CHODL: variants seen among roughly 807,000 people sequenced by gnomAD.
The protein encoded by CHODL is transmembrane protein MT75.
In CHODL, 29 loss-of-function variants were observed where a neutral mutation model predicts 34.5. The observed-to-expected ratio is 0.84, with a 90% CI of 0.63 to 1.15. CHODL has a LOEUF of 1.15. CHODL is among the 50% of genes most tolerant of loss of function. CHODL has a pLI of 0.00. For missense variants in CHODL, 332 were observed against 332.5 expected (o/e 1.00, Z 0.01); for synonymous variants, 125 against 116.1 (o/e 1.08, Z -0.49).
At chr21:18,244,067 T>A (rs1003492131), upstream of CHODL, among the ~76,000 whole-genome samples, 1 of 152,236 alleles carries the variant, frequency 6.6e-6, no homozygotes, top group Non-Finnish European at 1.5e-5. Flanking sequence ...TTGGGTAGAC[T>A]GTTTTAATAA....
At chr21:18,177,222 A>T (rs960239686) in intron 2 of CHODL, among the ~76,000 whole-genome samples, 2 of 152,078 alleles carry the variant, frequency 1.3e-5, no homozygotes, top group Admixed American at 1.3e-4. Context: ...AGAATTAAAT[A>T]TATTATGGTA....
chr21:18,189,497 G>T (rs1217576870), intron 2 of CHODL, among the ~76,000 whole-genome samples: 3 of 152,030 alleles, frequency 2.0e-5, no homozygotes, highest in African/African-American at 7.2e-5. Context: ...ATAAGATTGG[G>T]GAGGACATTG....
intron 2 of CHODL, among the ~76,000 whole-genome samples, chr21:18,122,031 G>A (rs553883968): frequency 9.2e-5 from 14 of 152,064 alleles, no homozygotes; most frequent in Non-Finnish European, 2.1e-4. Flanking sequence ...GTTAAGCTAA[G>A]TGAATTATAG....
chr21:18,233,080 CCTGT>C (rs1254008838), intron 2 of CHODL, among the ~76,000 whole-genome samples: 3 of 151,612 alleles, frequency 2.0e-5, no homozygotes, highest in South Asian at 2.1e-4. Context: ...ATTTATTCCT[CCTGT>C]CTAAGTGCAA....
chr21:18,198,163 A>G (rs1191956735), intron 2 of CHODL, among the ~76,000 whole-genome samples: 3 of 152,196 alleles, frequency 2.0e-5, no homozygotes, highest in African/African-American at 4.8e-5. Flanking sequence ...AGATTTTTCA[A>G]TTAGATGCTA....
intron 2 of CHODL, among the ~76,000 whole-genome samples, chr21:18,197,770 A>G (rs2073606601): frequency 6.6e-6 from 1 of 152,240 alleles, no homozygotes; most frequent in East Asian, 1.9e-4. Flanking sequence ...TGGGGTCCCA[A>G]GAAAGCCCAG....
chr21:18,168,012 G>A (rs1170173729), intron 2 of CHODL, among the ~76,000 whole-genome samples: 2 of 152,186 alleles, frequency 1.3e-5, no homozygotes, highest in Non-Finnish European at 2.9e-5. Context: ...GACTGGCTGA[G>A]TCTTCTGGCC....
At chr21:18,122,268 A>G (rs1011932154) in intron 2 of CHODL, among the ~76,000 whole-genome samples, 2 of 152,186 alleles carry the variant, frequency 1.3e-5, no homozygotes, top group Non-Finnish European at 2.9e-5. Flanking sequence ...CTACCAATGG[A>G]TGACATACAT....
intron 2 of CHODL, among the ~76,000 whole-genome samples, chr21:18,203,410 C>G (rs1341507630): frequency 6.6e-6 from 1 of 152,084 alleles, no homozygotes; most frequent in South Asian, 2.1e-4. Flanking sequence ...GCATGCAGTT[C>G]GTTCTAAAAC....
At chr21:17,974,278 A>C (rs767934216) in intron 1 of CHODL, among the ~76,000 whole-genome samples, 1 of 151,974 alleles carries the variant, frequency 6.6e-6, no homozygotes, top group Non-Finnish European at 1.5e-5. Context: ...TTGTTTATTT[A>C]TTTATTTATT....
In CHODL at chr21:18,256,540, TC is replaced by T. The variant is rs1277197875; in HGVS notation, c.114del (p.Cys39AlafsTer14). ...QKVCFADFKH[P>X]CYKMAYFHEL... ...AGGTGTGTTTTGCTGACTTCAAGCATCCCTGCTACAAAATGGCCTACTTCCA... is the reference window on the plus strand; with the variant it reads ...AGGTGTGTTTTGCTGACTTCAAGCATCCTGCTACAAAATGGCCTACTTCCA... On this transcript the variant is annotated frameshift_variant, in exon 2 of 6. Coordinates refer to ENST00000299295, the MANE Select transcript of CHODL (RefSeq NM_024944.3). LOFTEE classifies it high-confidence loss of function. 6.2e-7 allele frequency: 1 copy of T among 1,613,108 alleles called. No homozygotes were observed. The highest frequency in any genetic ancestry group is 8.5e-7 in the Non-Finnish European group (1 of 1,179,480).
intron 2 of CHODL, among the ~76,000 whole-genome samples, chr21:18,223,433 G>C (rs2073902571): frequency 6.6e-6 from 1 of 152,156 alleles, no homozygotes; most frequent in Admixed American, 6.5e-5. Flanking sequence ...AGGAGAAATG[G>C]TCCATGAAAT....
chr21:18,081,202 A>G (rs1016508077), intron 2 of CHODL, among the ~76,000 whole-genome samples: 8 of 152,134 alleles, frequency 5.3e-5, no homozygotes, highest in Non-Finnish European at 1.0e-4. Flanking sequence ...GAAACTACTC[A>G]ATTCATTTAT....
At chr21:18,131,012 G>C (rs2072647322) in intron 2 of CHODL, among the ~76,000 whole-genome samples, 2 of 152,178 alleles carry the variant, frequency 1.3e-5, no homozygotes, top group Non-Finnish European at 2.9e-5. Flanking sequence ...GGAAGTCTGA[G>C]ATCAAGGTGC....
intron 2 of CHODL, among the ~76,000 whole-genome samples, chr21:18,156,427 C>CTCTAT (rs2073035805): frequency 6.6e-6 from 1 of 151,980 alleles, no homozygotes; most frequent in Non-Finnish European, 1.5e-5. Context: ...AACATATATA[C>CTCTAT]ACACATATAT....
At chr21:18,077,431 G>T (rs2146508088) in intron 2 of CHODL, among the ~76,000 whole-genome samples, 1 of 152,270 alleles carries the variant, frequency 6.6e-6, no homozygotes, top group African/African-American at 2.4e-5. Flanking sequence ...GGGATGGGAT[G>T]AATATATTTT....
chr21:18,168,454 G>A (rs9977038), intron 2 of CHODL, among the ~76,000 whole-genome samples: 147,408 of 152,290 alleles, frequency 0.97, 71,491 homozygotes, highest in African/African-American at 0.99. Context: ...TGTCTTTTTT[G>A]TTTTAGCCAT....
chr21:18,167,491 A>G (rs983535203), intron 2 of CHODL, among the ~76,000 whole-genome samples: 7 of 151,566 alleles, frequency 4.6e-5, no homozygotes, highest in African/African-American at 1.7e-4. Context: ...TTGTATTTGT[A>G]GTACAGATGG....
chr21:17,989,226 G>T (rs117905085), intron 1 of CHODL, among the ~76,000 whole-genome samples: 1,784 of 152,242 alleles, frequency 0.012, 16 homozygotes, highest in Non-Finnish European at 0.02. Flanking sequence ...TACTGTTTGG[G>T]GGAAGATCAC....
Sources: gnomAD v4.1 joint callset for allele counts (sites outside exome capture counted in the v4.1 genomes callset) on GRCh38, gnomAD v4.1.1 for gene constraint, MANE v1.5 for transcripts, NCBI Gene and HGNC (gene_info 2026-07-23, HGNC 2026-07-21) for gene names.